NUDT13: variants seen among roughly 807,000 people sequenced by gnomAD.
NUDT13 encodes NAD(P)H pyrophosphatase NUDT13, mitochondrial.
NUDT13 carries 40 observed loss-of-function variants against 41.7 expected under a neutral mutation model. The observed-to-expected ratio is 0.96, with a 90% CI of 0.75 to 1.25. NUDT13 has a LOEUF of 1.25. Among genes scored for constraint, NUDT13 ranks in the 50% most tolerant of loss-of-function variants. The pLI is 0.00. For missense variants in NUDT13, 390 were observed against 416.1 expected (o/e 0.94, Z 0.55); for synonymous variants, 145 against 155.5 (o/e 0.93, Z 0.50).
intron 8 of NUDT13, 84 bp downstream of exon 8, chr10:73,126,911 T>G: frequency 8.6e-7 from 1 of 1,167,114 alleles, no homozygotes; most frequent in South Asian, 1.3e-5. Context: ...TAAGCACTTG[T>G]CTAGTCCAGC....
intron 8 of NUDT13, among the ~76,000 whole-genome samples, chr10:73,129,641 A>C (rs572019575): frequency 3.3e-5 from 5 of 151,536 alleles, no homozygotes; most frequent in Admixed American, 3.3e-4. Flanking sequence ...CAAAGATGAG[A>C]CTATGCTTTT....
At chr10:73,126,921 C>A (rs1192416106) in intron 8 of NUDT13, 94 bp downstream of exon 8, 4 of 1,081,326 alleles carry the variant, frequency 3.7e-6, no homozygotes, top group African/African-American at 1.6e-5. Context: ...TCTAGTCCAG[C>A]ATCATCTAGA....
At chr10:73,114,515 T>A in intron 2 of NUDT13, 67 bp downstream of exon 2, 1 of 652,848 alleles carries the variant, frequency 1.5e-6, no homozygotes, top group Non-Finnish European at 2.5e-6. Context: ...GATATTATGA[T>A]TTTATATATA....
At chr10:73,125,287 G>A (rs775499217) in intron 6 of NUDT13, 44 bp downstream of exon 6, 15 of 1,603,642 alleles carry the variant, frequency 9.4e-6, no homozygotes, top group African/African-American at 5.4e-5. Flanking sequence ...AAGACTGTGC[G>A]CTGCTTTGTC....
intron 2 of NUDT13, 133 bp downstream of exon 2, chr10:73,114,581 GTATA>G: frequency 3.8e-6 from 1 of 266,212 alleles, no homozygotes; most frequent in Non-Finnish European, 6.9e-6. Context: ...TTGTGTGTGT[GTATA>G]TGTGTGTGTG....
intron 3 of NUDT13, among the ~76,000 whole-genome samples, chr10:73,121,494 T>G (rs1842644697): frequency 6.6e-6 from 1 of 152,054 alleles, no homozygotes; most frequent in Non-Finnish European, 1.5e-5. Flanking sequence ...TAAATATGAG[T>G]CCTTCATGAA....
At chr10:73,124,778 GAGA>G (rs777793465) in intron 5 of NUDT13, 3 of 215,882 alleles carry the variant, frequency 1.4e-5, no homozygotes, top group Non-Finnish European at 2.7e-5. Context: ...CTTTACCAGG[GAGA>G]AGAACATTTT....
chr10:73,117,100 G>C (rs1842532780), intron 2 of NUDT13, among the ~76,000 whole-genome samples: 1 of 150,354 alleles, frequency 6.7e-6, no homozygotes, highest in Non-Finnish European at 1.5e-5. Context: ...GGCCAGGATG[G>C]TCTGGATCTC....
intron 8 of NUDT13, chr10:73,130,473 A>AAT (rs762575232): frequency 4.0e-4 from 63 of 157,766 alleles, no homozygotes; most frequent in South Asian, 1.0e-3. Context: ...AAAAAAAAAA[A>AAT]ATATATATAT....
chr10:73,129,167 CTTTTTTTTT>C (rs900393888), intron 8 of NUDT13, among the ~76,000 whole-genome samples: 47 of 110,210 alleles, frequency 4.3e-4, no homozygotes, highest in Admixed American at 1.6e-3. Context: ...AAGACGTTGT[CTTTTTTTTT>C]TTTTTTTTTT....
In NUDT13 at chr10:73,130,845, C is replaced by G; in HGVS notation, c.1001C>G (p.Ser334Cys). 1 of 1,613,956 alleles carries G rather than the reference C, an allele frequency of 6.2e-7. No homozygotes were observed. The highest frequency in any genetic ancestry group is 8.5e-7 in the Non-Finnish European group (1 of 1,179,944). ...PFWLPPKLAISHQLIKEWVEK... is the reference protein window; with the variant it reads ...PFWLPPKLAICHQLIKEWVEK... ...TGGCTGCCCCCTAAGTTAGCCATCT[C>G]CCACCAACTGATTAAGGAGTGGGTG... The change falls in exon 9 of 9, where the codon TCC becomes TGC. Residue 334 changes from serine (S) to cysteine (C), a missense_variant. Coordinates refer to ENST00000357321, the MANE Select transcript of NUDT13 (RefSeq NM_015901.6).
Position 73,120,161 on chromosome 10 carries a change from A to C in NUDT13, c.223+4A>C, listed in dbSNP as rs1254915842. The C allele has an allele frequency of 1.2e-6, 2 of 1,613,826 alleles. No homozygotes were observed. Among genetic ancestry groups the C allele is most frequent in the Admixed American group, 1.7e-5 (1 of 59,978 alleles). ...GCCCCCCGGCACAGCCTGTTAGGTAAGTCCAGAGTGGACCAGTGGCGTTGA... is the reference window on the plus strand; with the variant it reads ...GCCCCCCGGCACAGCCTGTTAGGTACGTCCAGAGTGGACCAGTGGCGTTGA... On this transcript the variant is annotated splice_donor_region_variant and intron_variant, in intron 3 of 8. Transcript: ENST00000357321.
intron 8 of NUDT13, among the ~76,000 whole-genome samples, chr10:73,127,586 T>C (rs901632480): frequency 6.6e-6 from 1 of 151,206 alleles, no homozygotes; most frequent in African/African-American, 2.4e-5. Flanking sequence ...CACTGCAACC[T>C]CCGCCTCCTG....
chr10:73,114,491 C>G (rs1564647716), intron 2 of NUDT13, 43 bp downstream of exon 2: 2 of 1,016,358 alleles, frequency 2.0e-6, no homozygotes, highest in Non-Finnish European at 1.5e-6. Flanking sequence ...CTGTTTGGCC[C>G]ATTAAACTAT....
chr10:73,128,367 A>G (rs916732391), intron 8 of NUDT13, among the ~76,000 whole-genome samples: 2 of 151,936 alleles, frequency 1.3e-5, no homozygotes, highest in African/African-American at 4.8e-5. Context: ...CCTTTTCTCT[A>G]CATCCTTACC....
chr10:73,129,500 TG>T (rs1842865820), intron 8 of NUDT13, among the ~76,000 whole-genome samples: 1 of 152,154 alleles, frequency 6.6e-6, no homozygotes, highest in Admixed American at 6.5e-5. Flanking sequence ...AATCTCATCT[TG>T]CACTTCTCTA....
intron 2 of NUDT13, chr10:73,114,939 A>C (rs1456324622): frequency 6.6e-6 from 1 of 152,074 alleles, no homozygotes; most frequent in South Asian, 2.1e-4. Context: ...ATTTTGTCCA[A>C]TCAGATTTCT....
At chr10:73,118,257 T>G (rs1448484465) in intron 2 of NUDT13, among the ~76,000 whole-genome samples, 1 of 152,218 alleles carries the variant, frequency 6.6e-6, no homozygotes, top group Admixed American at 6.5e-5. Context: ...TGTCTTCTAT[T>G]TATAAAGAGC....
chr10:73,110,899 G>A (rs956796727), intron 1 of NUDT13, among the ~76,000 whole-genome samples: 1 of 152,104 alleles, frequency 6.6e-6, no homozygotes, highest in African/African-American at 2.4e-5. Flanking sequence ...AAGCAGGTCA[G>A]TGAGACCTTC....
Sources: gnomAD v4.1 joint callset for allele counts (sites outside exome capture counted in the v4.1 genomes callset) on GRCh38, gnomAD v4.1.1 for gene constraint, MANE v1.5 for transcripts, NCBI Gene and HGNC (gene_info 2026-07-23, HGNC 2026-07-21) for gene names.